Variants in ME2 observed in about 807,000 individuals in gnomAD.
ME2 encodes malic enzyme 2.
ME2 carries 60 observed loss-of-function variants against 73.7 expected under a neutral mutation model. That is an observed-to-expected ratio of 0.81 (90% CI 0.66 to 1.01). The LOEUF (loss-of-function observed/expected upper bound fraction) is 1.01, where lower values mean the gene tolerates loss of function less well. ME2 is among the 50% of genes least tolerant of loss of function. ME2 has a pLI of 0.00. For missense variants in ME2, 594 were observed against 705.5 expected, an observed-to-expected ratio of 0.84 and a Z score of 1.79; for synonymous variants, 199 against 236.9, an observed-to-expected ratio of 0.84 and a Z score of 1.47.
intron 15 of ME2, among the ~76,000 whole-genome samples, chr18:50,943,846 G>C (rs1032607936): frequency 6.6e-6 from 1 of 152,134 alleles, no homozygotes; most frequent in Non-Finnish European, 1.5e-5. Flanking sequence ...CCCAGAACTA[G>C]GATGATAGAG....
Position 50,948,960 on chromosome 18 carries a change from C to T in ME2, c.*1776C>T, listed in dbSNP as rs1918160129. 6.6e-6 allele frequency: 1 copy of T among 151,458 alleles called. No homozygotes were observed. Among genetic ancestry groups the T allele is most frequent in the South Asian group, 2.1e-4 (1 of 4,788 alleles). The allele number at this position is 151,458 out of a possible 1,614,324, so 9.4% of individuals were successfully genotyped here. A position where few individuals can be genotyped will look rare whatever the true frequency, so the allele number is the denominator to read the frequency against. On this transcript the variant is annotated 3_prime_UTR_variant, in exon 16 of 16. Coordinates refer to ENST00000321341, the MANE Select transcript of ME2 (RefSeq NM_002396.5). ...GTTCAGGCGATTCTTCTGCCTTAGC[C>T]TCCCAAGTAGCTGGGATTACAGGCA...
In ME2 at chr18:50,924,221, A is replaced by C; in HGVS notation, c.1171+9A>C. ...GCCTTCAACTATAATTGGTAGGTAA[A>C]GTTTTTCTGATAAATAATTTTACTC... On this transcript the variant is annotated intron_variant, in intron 11 of 15. Coordinates refer to ENST00000321341, the MANE Select transcript of ME2 (RefSeq NM_002396.5). 3.2e-6 allele frequency: 5 copies of C among 1,547,940 alleles called. No individual in the cohort carries two copies. Among genetic ancestry groups the C allele is most frequent in the Non-Finnish European group, 4.4e-6 (5 of 1,128,244 alleles).
chr18:50,903,895 A>G (rs1035378321), intron 2 of ME2, among the ~76,000 whole-genome samples: 2 of 152,224 alleles, frequency 1.3e-5, no homozygotes, highest in Admixed American at 6.5e-5. Context: ...CAATAAAATC[A>G]TACAAGGAGA....
intron 12 of ME2, among the ~76,000 whole-genome samples, chr18:50,928,394 T>C (rs1420902636): frequency 1.3e-5 from 2 of 151,868 alleles, no homozygotes; most frequent in African/African-American, 2.4e-5. Context: ...CCCGCCACCA[T>C]GCCCGGCTAA....
rs1029050391 is a variant in ME2 at position 50,953,578 on chromosome 18, T to C, written c.*6394T>C. ...AGTCTCAGTAGCCAATTCACTAACA[T>C]CTTTTGATTTGGTAATCTTCACAGA... On this transcript the variant is annotated 3_prime_UTR_variant, in exon 16 of 16. Transcript: ENST00000321341. The C allele has an allele frequency of 1.3e-5, 2 of 152,244 alleles. No homozygotes were observed. The highest frequency in any genetic ancestry group is 4.8e-5 in the African/African-American group (2 of 41,468). The allele number at this position is 152,244 out of a possible 1,614,324, so 9.4% of individuals were successfully genotyped here. A position where few individuals can be genotyped will look rare whatever the true frequency, so the allele number is the denominator to read the frequency against.
intron 7 of ME2, among the ~76,000 whole-genome samples, chr18:50,919,820 G>A (rs534684032): frequency 6.6e-6 from 1 of 151,444 alleles, no homozygotes; most frequent in Admixed American, 6.6e-5. Flanking sequence ...TTTAGCATTC[G>A]AGATCCTCCC....
At chr18:50,879,954 A>G (rs1284849007) in intron 1 of ME2, among the ~76,000 whole-genome samples, 1 of 152,176 alleles carries the variant, frequency 6.6e-6, no homozygotes, top group East Asian at 1.9e-4. Context: ...TCCAGAGATA[A>G]TTCTAGAAAA....
chr18:50,941,983 C>T (rs1462286426), intron 15 of ME2, among the ~76,000 whole-genome samples: 6 of 151,506 alleles, frequency 4.0e-5, no homozygotes, highest in Non-Finnish European at 5.9e-5. Flanking sequence ...GATATTTTCC[C>T]ACTTGTCATT....
chr18:50,879,989 G>A (rs1295312384), intron 1 of ME2, among the ~76,000 whole-genome samples: 1 of 152,144 alleles, frequency 6.6e-6, no homozygotes, highest in African/African-American at 2.4e-5. Context: ...GGTGAGAAGC[G>A]TGATCAAATT....
At chr18:50,889,466 A>G (rs970593847) in intron 1 of ME2, among the ~76,000 whole-genome samples, 7 of 152,162 alleles carry the variant, frequency 4.6e-5, no homozygotes, top group Admixed American at 1.3e-4. Flanking sequence ...CTTGCCCCCA[A>G]TGCCTTGCCC....
intron 2 of ME2, among the ~76,000 whole-genome samples, chr18:50,903,021 T>C (rs1363863129): frequency 6.6e-6 from 1 of 152,090 alleles, no homozygotes; most frequent in African/African-American, 2.4e-5. Context: ...TAAAGTAAAA[T>C]AGTTCAGGGT....
intron 1 of ME2, among the ~76,000 whole-genome samples, chr18:50,884,637 C>T (rs533884879): frequency 1.2e-4 from 18 of 152,256 alleles, no homozygotes; most frequent in Non-Finnish European, 7.4e-5. Context: ...TGAGCCACTG[C>T]GCCAGGCCCA....
intron 12 of ME2, among the ~76,000 whole-genome samples, chr18:50,927,432 G>A (rs1353384915): frequency 1.3e-5 from 2 of 151,968 alleles, no homozygotes; most frequent in Non-Finnish European, 2.9e-5. Context: ...CGGGCACGGT[G>A]GCTCACGCCT....
intron 3 of ME2, 22 bp downstream of exon 3, chr18:50,908,218 CT>C (rs765993661): frequency 3.2e-6 from 5 of 1,541,986 alleles, no homozygotes; most frequent in South Asian, 2.5e-5. Context: ...TTAGATGTTT[CT>C]TTTTTTATTG....
Position 50,879,171 on chromosome 18 carries a change from G to C in ME2, c.-150G>C, listed in dbSNP as rs886561888. On this transcript the variant is annotated 5_prime_UTR_variant, in exon 1 of 16. Coordinates refer to ENST00000321341, the MANE Select transcript of ME2 (RefSeq NM_002396.5). ...CGTGTGGGGCCGCCCGCGCCAGTGT[G>C]AGCCTGAGCTGACGGCGGCTCCGGG... 2 of 152,276 alleles carry C rather than the reference G, an allele frequency of 1.3e-5. No homozygotes were observed. Among genetic ancestry groups the C allele is most frequent in the East Asian group, 1.9e-4 (1 of 5,190 alleles). 9.4% of individuals were successfully genotyped at this position (152,276 alleles called of 1,614,324 possible).
At chr18:50,930,625 T>G (rs1466178331) in intron 12 of ME2, among the ~76,000 whole-genome samples, 1 of 152,170 alleles carries the variant, frequency 6.6e-6, no homozygotes, top group Admixed American at 6.6e-5. Flanking sequence ...CTATAGAATC[T>G]TGTCATTATT....
intron 1 of ME2, among the ~76,000 whole-genome samples, chr18:50,889,945 AAGCCTGTT>A (rs1916566019): frequency 6.6e-6 from 1 of 152,170 alleles, no homozygotes; most frequent in Non-Finnish European, 1.5e-5. Context: ...TGATTTGGGG[AAGCCTGTT>A]AATTATGTCA....
chr18:50,946,518 C>T (rs1599131335), intron 15 of ME2, among the ~76,000 whole-genome samples: 1 of 152,204 alleles, frequency 6.6e-6, no homozygotes, highest in Admixed American at 6.5e-5. Context: ...TAGAAAGTGC[C>T]TGGCACTCAG....
chr18:50,896,960 C>T (rs1916760940), intron 2 of ME2, among the ~76,000 whole-genome samples: 1 of 152,210 alleles, frequency 6.6e-6, no homozygotes, highest in African/African-American at 2.4e-5. Context: ...TGCCTGACCT[C>T]TCCAAATCTC....
Sources: allele counts gnomAD v4.1 joint callset (sites outside exome capture counted in the v4.1 genomes callset), GRCh38; gene constraint gnomAD v4.1.1; transcripts MANE v1.5; gene names NCBI Gene and HGNC (gene_info 2026-07-23, HGNC 2026-07-21).